Variants in NRL observed in about 807,000 individuals in gnomAD.
The protein encoded by NRL is neural retina-specific leucine zipper protein.
A neutral mutation model predicts 12.5 loss-of-function variants in NRL; 16 were observed. The ratio of observed to expected loss-of-function variants is 1.28; its 90% confidence interval spans 0.87 to 1.95. NRL has a LOEUF of 1.95. Among genes scored for constraint, NRL ranks in the 30% most tolerant of loss-of-function variants. The probability of loss-of-function intolerance (pLI) is 0.00; values close to 1 mark genes in which losing one functional copy is unlikely to be tolerated. For synonymous variants in NRL, 142 were observed against 150.9 expected (o/e 0.94, Z 0.43); for missense variants, 314 against 325.8 (o/e 0.96, Z 0.28).
In NRL at chr14:24,114,899, G is replaced by C. The variant is rs931632787; in HGVS notation, c.-205C>G. On this transcript the variant is annotated 5_prime_UTR_variant, in exon 1 of 3. Transcript: ENST00000561028. ...GGTGTAAACAAGGCCTCGCGCCGCT[G>C]CGGGTCCTGCGACCGCTCCTGGCTG... The C allele has an allele frequency of 3.0e-6, 3 of 985,860 alleles. No homozygotes were observed. Among genetic ancestry groups the C allele is most frequent in the East Asian group, 2.3e-4 (2 of 8,832 alleles). The allele number at this position is 985,860 out of a possible 1,614,324, so 61.1% of individuals were successfully genotyped here.
intron 1 of NRL, among the ~76,000 whole-genome samples, chr14:24,105,191 C>T (rs1454069351): frequency 6.6e-6 from 1 of 152,284 alleles, no homozygotes; most frequent in Non-Finnish European, 1.5e-5. Context: ...GCAGCAGGAG[C>T]ATGTCCTTAA....
rs780436943 is a variant in NRL at position 24,085,648 on chromosome 14, CT to C, written c.-27-2774del. Among the ~76,000 whole-genome samples, 48 of 152,226 alleles carry C rather than the reference CT, an allele frequency of 3.2e-4. No individual in the cohort carries two copies. Among genetic ancestry groups the C allele is most frequent in the Non-Finnish European group, 5.6e-4 (38 of 68,042 alleles). On this transcript the variant is annotated intron_variant, in intron 1 of 2. Coordinates refer to ENST00000561028, the MANE Select transcript of NRL (RefSeq NM_001354768.3). The surrounding 1 kb of genome is among the most constrained non-coding windows in gnomAD (Gnocchi z 4.1). ...TACTCCCATGGGGTTAATAGTTCCT[CT>C]TTCTCAACACAGAGGCCTGGGTGTC... is the stretch of plus-strand genomic sequence containing the variant.
At chr14:24,099,080 A>C in intron 1 of NRL, 2 of 1,609,176 alleles carry the variant, frequency 1.2e-6, no homozygotes, top group Non-Finnish European at 1.7e-6. Context: ...CGTGCAACCC[A>C]GAGAAAACCC....
intron 1 of NRL, among the ~76,000 whole-genome samples, chr14:24,091,829 A>T (rs946742865): frequency 6.6e-6 from 1 of 152,178 alleles, no homozygotes; most frequent in African/African-American, 2.4e-5. Flanking sequence ...TTTTTTCAGA[A>T]CAGGAATGGA....
rs28625516 is a variant in NRL, at chr14:24,093,753, G to A, written c.-27-10878C>T. ...ACCAAGGAAGAGACCCAGGGGTAGA[G>A]AGACTCCACCATTTCATGGCAAGGC... is the stretch of plus-strand genomic sequence containing the variant. On this transcript the variant is annotated intron_variant, in intron 1 of 2. Coordinates refer to ENST00000561028, the MANE Select transcript of NRL (RefSeq NM_001354768.3). 8.1e-3 allele frequency among the ~76,000 whole-genome samples: 1,237 copies of A among 152,298 alleles called. 18 individuals are homozygous for A. Among genetic ancestry groups the A allele is most frequent in the African/African-American group, 0.028 (1,161 of 41,548 alleles).
In NRL at chr14:24,081,845, G is replaced by A. The variant is rs1435373892; in HGVS notation, c.382-277C>T. 42 of 1,399,460 alleles carry A rather than the reference G, an allele frequency of 3.0e-5. No homozygotes were observed. Among genetic ancestry groups the A allele is most frequent in the African/African-American group, 4.5e-5 (3 of 67,320 alleles). The allele number at this position is 1,399,460 out of a possible 1,614,324, so 86.7% of individuals were successfully genotyped here. On this transcript the variant is annotated intron_variant, in intron 2 of 2. Coordinates refer to ENST00000561028, the MANE Select transcript of NRL (RefSeq NM_001354768.3). This position sits in a 1 kb window ranked among gnomAD's most constrained non-coding sequence, Gnocchi z 4.4. ...CGAGCCCGTCGCGCACCTAAACCCC[G>A]GGCTCGTCTCTGGGATCCCCGGCAT...
intron 1 of NRL, among the ~76,000 whole-genome samples, chr14:24,111,538 T>A (rs2037419849): frequency 1.9e-5 from 2 of 105,156 alleles, no homozygotes; most frequent in Admixed American, 1.8e-4. Flanking sequence ...CACACTCGGC[T>A]TTTTTTTTTT....
At chr14:24,090,016 T>A (rs976181398) in intron 1 of NRL, among the ~76,000 whole-genome samples, 2 of 151,616 alleles carry the variant, frequency 1.3e-5, no homozygotes, top group African/African-American at 4.9e-5. Context: ...GCCTGGGAGG[T>A]CACATTAAGG....
At chr14:24,089,183 C>T (rs1459117993) in intron 1 of NRL, among the ~76,000 whole-genome samples, 6 of 152,046 alleles carry the variant, frequency 3.9e-5, no homozygotes, top group South Asian at 2.1e-4. Context: ...ATGATCCACC[C>T]GCCTCAGCCT....
Position 24,081,620 on chromosome 14 carries a change from T to G in NRL, c.382-52A>C. On this transcript the variant is annotated intron_variant, in intron 2 of 2. Transcript: ENST00000561028. The surrounding 1 kb of genome is among the most constrained non-coding windows in gnomAD (Gnocchi z 4.4). ...GTCAGCGCCAGGTCGCACCCGGCTCTGCCCTGAGGGCCCGACGCTACCTGG... is the reference window on the plus strand; with the variant it reads ...GTCAGCGCCAGGTCGCACCCGGCTCGGCCCTGAGGGCCCGACGCTACCTGG... The G allele has an allele frequency of 6.5e-7, 1 of 1,548,694 alleles. No individual in the cohort carries two copies. Among genetic ancestry groups the G allele is most frequent in the Non-Finnish European group, 8.7e-7 (1 of 1,147,094 alleles).
In NRL at chr14:24,109,306, A is replaced by G. The variant is rs185622785; in HGVS notation, c.-28+5416T>C. ...AAGATATGCCATTTTATTTATTTCA[A>G]TAGACACACTGTATACCCTAAGATA... On this transcript the variant is annotated intron_variant, in intron 1 of 2. Coordinates refer to ENST00000561028, the MANE Select transcript of NRL (RefSeq NM_001354768.3). Among the ~76,000 whole-genome samples the G allele has an allele frequency of 1.7e-3, 264 of 152,368 alleles. 1 individual carries two copies. Among genetic ancestry groups the G allele is most frequent in the African/African-American group, 5.6e-3 (232 of 41,580 alleles).
intron 1 of NRL, among the ~76,000 whole-genome samples, chr14:24,086,701 A>G (rs943735112): frequency 6.6e-6 from 1 of 152,212 alleles, no homozygotes; most frequent in Non-Finnish European, 1.5e-5. Flanking sequence ...CTTGCCCCCA[A>G]CCAGCAGCTG....
At chr14:24,110,627 T>C (rs1949427483) in intron 1 of NRL, 1 of 155,038 alleles carries the variant, frequency 6.5e-6, no homozygotes, top group Admixed American at 6.5e-5. Flanking sequence ...TATTTCTGTG[T>C]CTATACTACA....
chr14:24,081,123 G>A lies in NRL; in HGVS notation c.*113C>T, dbSNP rs3560. 1 of 657,150 alleles carries A rather than the reference G, an allele frequency of 1.5e-6. No homozygotes were observed. Among genetic ancestry groups the A allele is most frequent in the Non-Finnish European group, 2.2e-6 (1 of 453,316 alleles). The allele number at this position is 657,150 out of a possible 1,614,324, so 40.7% of individuals were successfully genotyped here. ...GGGGATATTTGCGCGGTCATACAGGGCGTGGCTAGGACCAGAAGGCGCTCT... is the reference window on the plus strand; with the variant it reads ...GGGGATATTTGCGCGGTCATACAGGACGTGGCTAGGACCAGAAGGCGCTCT... On this transcript the variant is annotated 3_prime_UTR_variant, in exon 3 of 3. Transcript: ENST00000561028. The surrounding 1 kb of genome is among the most constrained non-coding windows in gnomAD (Gnocchi z 4.4).
chr14:24,101,758 A>G (rs888402684), intron 1 of NRL, among the ~76,000 whole-genome samples: 3 of 152,110 alleles, frequency 2.0e-5, no homozygotes, highest in African/African-American at 7.2e-5. Flanking sequence ...CCCGTCTCCA[A>G]TAAAATACAA....
chr14:24,095,475 G>T (rs9783666), intron 1 of NRL: 24,175 of 327,894 alleles, frequency 0.074, 974 homozygotes, highest in African/African-American at 0.097. Context: ...ACAGACTCAA[G>T]CTCCCGTATC....
chr14:24,102,664 AG>A, intron 1 of NRL: 6 of 1,152,100 alleles, frequency 5.2e-6, no homozygotes, highest in South Asian at 1.5e-5. Flanking sequence ...AAAAAAAAAA[AG>A]AACCCTGCAA....
Position 24,094,378 on chromosome 14 carries a change from G to A in NRL, c.-27-11503C>T. 6.5e-7 allele frequency: 1 copy of A among 1,543,866 alleles called. No homozygotes were observed. Among genetic ancestry groups the A allele is most frequent in the South Asian group, 1.2e-5 (1 of 84,426 alleles). On this transcript the variant is annotated intron_variant, in intron 1 of 2. Coordinates refer to ENST00000561028, the MANE Select transcript of NRL (RefSeq NM_001354768.3). The surrounding 1 kb of genome is among the most constrained non-coding windows in gnomAD (Gnocchi z 4.1). Reference sequence around the variant, plus strand: ...CCTCCCCGGCTCCGCTCGGTTCCTGGCCACCCCGCAGCCCCTGCCCAGGTG... The same window carrying A: ...CCTCCCCGGCTCCGCTCGGTTCCTGACCACCCCGCAGCCCCTGCCCAGGTG...
At chr14:24,083,931 A>T (rs1242949498) in intron 1 of NRL, among the ~76,000 whole-genome samples, 1 of 152,176 alleles carries the variant, frequency 6.6e-6, no homozygotes, top group Non-Finnish European at 1.5e-5. Flanking sequence ...CACCTGAGGA[A>T]CTTCTGGCTG....
Sources: gnomAD v4.1 joint callset for allele counts (sites outside exome capture counted in the v4.1 genomes callset) on GRCh38, gnomAD v4.1.1 for gene constraint, Gnocchi (gnomAD v3.1) non-coding constraint, MANE v1.5 for transcripts, NCBI Gene and HGNC (gene_info 2026-07-23, HGNC 2026-07-21) for gene names.